The following ZNF76 variants were observed in gnomAD, a reference collection of about 807,000 sequenced individuals.
ZNF76 encodes the protein zinc finger protein 76.
A neutral mutation model predicts 66.9 loss-of-function variants in ZNF76; 66 were observed. That is an observed-to-expected ratio of 0.99 (90% CI 0.81 to 1.21). The LOEUF (loss-of-function observed/expected upper bound fraction) is 1.21. Ranked by LOEUF, ZNF76 falls within the 50% of genes most tolerant of loss-of-function variation. ZNF76 has a pLI of 0.00. For missense variants in ZNF76, 729 were observed against 760.3 expected (o/e 0.96, Z 0.48); for synonymous variants, 275 against 296.1 (o/e 0.93, Z 0.73).
chr6:35,263,220 G>T (rs1785509601), intron 1 of ZNF76, among the ~76,000 whole-genome samples: 1 of 152,184 alleles, frequency 6.6e-6, no homozygotes, highest in South Asian at 2.1e-4. Context: ...AAAGGATCTT[G>T]GTTTTTTAGA....
chr6:35,260,688 C>T (rs1467171463), intron 1 of ZNF76, among the ~76,000 whole-genome samples: 1 of 152,174 alleles, frequency 6.6e-6, no homozygotes, highest in Non-Finnish European at 1.5e-5. Flanking sequence ...CTTTAGGGAC[C>T]TGTGAGAAGT....
In ZNF76 at chr6:35,287,854, G is replaced by A. The variant is rs1202549717; in HGVS notation, c.432+9G>A. 4.4e-6 allele frequency: 7 copies of A among 1,575,692 alleles called. No individual in the cohort carries two copies. The highest frequency in any genetic ancestry group is 1.7e-4 in the Middle Eastern group (1 of 6,018). On this transcript the variant is annotated intron_variant, in intron 5 of 13. Transcript: ENST00000373953. This position sits in a 1 kb window ranked among gnomAD's most constrained non-coding sequence, Gnocchi z 4.0. Reference sequence around the variant, plus strand: ...AGCAGTATGCCAGCAAGGTGAGCACGCACAGCGTGACACGGTCTGTCACTC... The same window carrying A: ...AGCAGTATGCCAGCAAGGTGAGCACACACAGCGTGACACGGTCTGTCACTC...
chr6:35,279,984 A>G lies in ZNF76; in HGVS notation c.-96-1072A>G, dbSNP rs1788516382. ...GTAGCTAGGATTGCAGGCATGTGCCACTACACCTGGCTAATTTTTTTTTTT... is the reference window on the plus strand; with the variant it reads ...GTAGCTAGGATTGCAGGCATGTGCCGCTACACCTGGCTAATTTTTTTTTTT... On this transcript the variant is annotated intron_variant, in intron 1 of 13. Transcript: ENST00000373953. Among the ~76,000 whole-genome samples the G allele has an allele frequency of 2.8e-5, 4 of 142,998 alleles. No homozygotes were observed. The South Asian group carries it at 9.4e-4, about 34-fold the overall frequency. 93.8% of individuals were successfully genotyped at this position (142,998 alleles called of 152,430 possible). A position where few individuals can be genotyped will look rare whatever the true frequency, so the allele number is the denominator to read the frequency against.
At chr6:35,266,001 A>T (rs1367583221) in intron 1 of ZNF76, among the ~76,000 whole-genome samples, 1 of 152,226 alleles carries the variant, frequency 6.6e-6, no homozygotes, top group Non-Finnish European at 1.5e-5. Context: ...GGCTACTACA[A>T]TAGTCTAAAC....
chr6:35,267,669 ACC>A (rs940600148), intron 1 of ZNF76, among the ~76,000 whole-genome samples: 1 of 152,206 alleles, frequency 6.6e-6, no homozygotes, highest in African/African-American at 2.4e-5. Context: ...CTCAGGGAGC[ACC>A]GCAGACAACC....
At chr6:35,284,524 G>A (rs1344587276) in intron 2 of ZNF76, among the ~76,000 whole-genome samples, 12 of 151,902 alleles carry the variant, frequency 7.9e-5, no homozygotes, top group Non-Finnish European at 1.2e-4. Flanking sequence ...TCAGCCTTCC[G>A]AGTAGCTGGG....
intron 12 of ZNF76, 143 bp downstream of exon 12, chr6:35,294,058 T>A (rs1790831785): frequency 1.0e-6 from 1 of 993,060 alleles, no homozygotes; most frequent in African/African-American, 1.6e-5. Flanking sequence ...CCACAGTTCC[T>A]GGGCCATGAG....
rs200713280 is a variant in ZNF76, at chr6:35,286,227, A to C, written c.154+19A>C. On this transcript the variant is annotated intron_variant, in intron 3 of 13. Coordinates refer to ENST00000373953, the MANE Select transcript of ZNF76 (RefSeq NM_003427.5). ...CAGAAAGGTGAGGGCACCCCAACAC[A>C]CCATGCCTTGTCGAGGGAAGCCTGA... 1 of 1,613,888 alleles carries C rather than the reference A, an allele frequency of 6.2e-7. No individual in the cohort carries two copies. The highest frequency in any genetic ancestry group is 8.5e-7 in the Non-Finnish European group (1 of 1,179,794).
In ZNF76 at chr6:35,292,097, A is replaced by ATC; in HGVS notation, c.931+361_931+362dup. ...ACTGTCACCTTCAACTCCTCACCTT[A>ATC]TCCGCCGTCCATGACTCCTGTGTAT... On this transcript the variant is annotated intron_variant, in intron 9 of 13. Transcript: ENST00000373953. The surrounding 1 kb of genome is among the most constrained non-coding windows in gnomAD (Gnocchi z 4.7). 2.4e-6 allele frequency: 1 copy of ATC among 422,828 alleles called. No homozygotes were observed. The highest frequency in any genetic ancestry group is 2.5e-5 in the South Asian group (1 of 40,568). 26.2% of individuals were successfully genotyped at this position (422,828 alleles called of 1,614,324 possible). A position where few individuals can be genotyped will look rare whatever the true frequency, so the allele number is the denominator to read the frequency against.
chr6:35,260,866 T>C (rs1397617099), intron 1 of ZNF76, among the ~76,000 whole-genome samples: 1 of 152,208 alleles, frequency 6.6e-6, no homozygotes, highest in Admixed American at 6.5e-5. Flanking sequence ...TTTCCTCTTG[T>C]AACCTCATCC....
At chr6:35,261,753 G>T (rs575714804) in intron 1 of ZNF76, among the ~76,000 whole-genome samples, 15 of 152,106 alleles carry the variant, frequency 9.9e-5, no homozygotes, top group Non-Finnish European at 1.5e-4. Context: ...AGCCTCAAGA[G>T]ATCCTCCCAC....
In ZNF76 at chr6:35,295,617, T is replaced by G. The variant is rs1010380141; in HGVS notation, c.*369T>G. 53 of 325,652 alleles carry G rather than the reference T, an allele frequency of 1.6e-4. No homozygotes were observed. Among genetic ancestry groups the G allele is most frequent in the African/African-American group, 1.1e-3 (52 of 46,596 alleles). The allele number at this position is 325,652 out of a possible 1,614,324, so 20.2% of individuals were successfully genotyped here. A position where few individuals can be genotyped will look rare whatever the true frequency, so the allele number is the denominator to read the frequency against. ...GCTATGGGGACTGGCCCTGTAGGGT[T>G]GAGCCACAGACAGCTCTTCAGCCCA... On this transcript the variant is annotated 3_prime_UTR_variant, in exon 14 of 14. Coordinates refer to ENST00000373953, the MANE Select transcript of ZNF76 (RefSeq NM_003427.5).
chr6:35,267,361 T>A (rs1297873573), intron 1 of ZNF76, among the ~76,000 whole-genome samples: 2 of 152,178 alleles, frequency 1.3e-5, no homozygotes, highest in Non-Finnish European at 2.9e-5. Flanking sequence ...TCTCCCAAGG[T>A]GCTGGGATTA....
Position 35,295,428 on chromosome 6 carries a change from GC to G in ZNF76, c.*182del. On this transcript the variant is annotated 3_prime_UTR_variant, in exon 14 of 14. Transcript: ENST00000373953. ...AATGGGGGCCCTGCTCAAGAAGGGG[GC>G]CAGGCAGCTGGAATCAGGGGAGTGC... The G allele has an allele frequency of 1.5e-6, 1 of 660,132 alleles. No homozygotes were observed. Among genetic ancestry groups the G allele is most frequent in the Non-Finnish European group, 2.8e-6 (1 of 361,190 alleles). The allele number at this position is 660,132 out of a possible 1,614,324, so 40.9% of individuals were successfully genotyped here. A position where few individuals can be genotyped will look rare whatever the true frequency, so the allele number is the denominator to read the frequency against.
At chr6:35,265,018 T>G (rs973507950) in intron 1 of ZNF76, among the ~76,000 whole-genome samples, 1 of 152,168 alleles carries the variant, frequency 6.6e-6, no homozygotes, top group African/African-American at 2.4e-5. Flanking sequence ...CCTAAAGGTA[T>G]ATATATTCAT....
intron 2 of ZNF76, among the ~76,000 whole-genome samples, chr6:35,282,086 T>C (rs1788856017): frequency 6.6e-6 from 1 of 152,176 alleles, no homozygotes; most frequent in African/African-American, 2.4e-5. Context: ...ATGAATACTC[T>C]TGTAGGATAC....
intron 2 of ZNF76, among the ~76,000 whole-genome samples, chr6:35,284,416 T>G (rs958027411): frequency 6.6e-6 from 1 of 150,976 alleles, no homozygotes; most frequent in Non-Finnish European, 1.5e-5. Context: ...TTTTTCTTTT[T>G]GAGACAGGAC....
intron 1 of ZNF76, chr6:35,270,276 A>C (rs1337579231): frequency 6.6e-6 from 1 of 152,180 alleles, no homozygotes; most frequent in African/African-American, 2.4e-5. Flanking sequence ...AGCTGGGCCT[A>C]CAGGCACGTG....
chr6:35,291,243 G>A (rs1447917335), intron 7 of ZNF76, 35 bp from the exon 8 acceptor site: 2 of 1,578,860 alleles, frequency 1.3e-6, no homozygotes, highest in Non-Finnish European at 8.6e-7. Context: ...CCCACTGGGT[G>A]CTCATCTCAC....
Sources: allele counts gnomAD v4.1 joint callset (sites outside exome capture counted in the v4.1 genomes callset), GRCh38; gene constraint gnomAD v4.1.1; non-coding constraint Gnocchi (gnomAD v3.1); transcripts MANE v1.5; gene names NCBI Gene and HGNC (gene_info 2026-07-23, HGNC 2026-07-21).